CDH18: variants seen among roughly 807,000 people sequenced by gnomAD.
CDH18 encodes the protein cadherin 18.
CDH18 carries 31 observed loss-of-function variants against 67.9 expected under a neutral mutation model. The ratio of observed to expected loss-of-function variants is 0.46; its 90% confidence interval spans 0.34 to 0.62. CDH18 has a LOEUF of 0.62. Among genes scored for constraint, CDH18 ranks in the 20% least tolerant of loss-of-function variants. The pLI is 0.01. For missense variants in CDH18, 890 were observed against 975.5 expected (o/e 0.91, Z 1.17); for synonymous variants, 362 against 347.2 (o/e 1.04, Z -0.48).
At chr5:20,199,330 T>C (rs1489141201) in intron 2 of CDH18, among the ~76,000 whole-genome samples, 1 of 152,186 alleles carries the variant, frequency 6.6e-6, no homozygotes, top group Non-Finnish European at 1.5e-5. Flanking sequence ...GACCTGGAAG[T>C]AGGACATGGA....
At chr5:19,473,737 G>A (rs749372857) in intron 12 of CDH18, 21 bp from the exon 13 acceptor site, 5 of 1,550,854 alleles carry the variant, frequency 3.2e-6, no homozygotes, top group Non-Finnish European at 2.6e-6. Context: ...ATGGAAAAAG[G>A]ATGAAGAATT....
chr5:20,547,892 C>T (rs1757428218), intron 1 of CDH18, among the ~76,000 whole-genome samples: 1 of 151,876 alleles, frequency 6.6e-6, no homozygotes, highest in African/African-American at 2.4e-5. Context: ...TATTCAATTT[C>T]ATCTCTTTAC....
intron 2 of CDH18, among the ~76,000 whole-genome samples, chr5:20,153,770 T>C (rs1316596396): frequency 6.6e-6 from 1 of 152,116 alleles, no homozygotes; most frequent in Non-Finnish European, 1.5e-5. Flanking sequence ...TATATTTTCC[T>C]CTTCTTATAG....
chr5:19,677,585 G>A (rs749767647), intron 5 of CDH18, among the ~76,000 whole-genome samples: 2 of 151,780 alleles, frequency 1.3e-5, no homozygotes, highest in Non-Finnish European at 2.9e-5. Flanking sequence ...AGATAAACAG[G>A]GTAAATGCCC....
In CDH18 at chr5:19,997,786, T is replaced by C. The variant is rs539304279; in HGVS notation, c.-517-5772A>G. ...AGTGGAGGATGCATAAATGTCAACA[T>C]TTCACCATAATGCAATACTATCATA... On this transcript the variant is annotated intron_variant, in intron 2 of 14. Coordinates refer to the CDH18 transcript ENST00000507958. Among the ~76,000 whole-genome samples the C allele has an allele frequency of 2.6e-5, 4 of 152,254 alleles. 1 individual carries two copies. In the South Asian group the frequency reaches 8.3e-4, roughly 32 times the overall value.
At chr5:20,324,778 A>C (rs1738393616) in intron 1 of CDH18, among the ~76,000 whole-genome samples, 1 of 152,200 alleles carries the variant, frequency 6.6e-6, no homozygotes, top group East Asian at 1.9e-4. Context: ...ACACCAAAAA[A>C]CACAGTTTAG....
chr5:20,159,549 T>C (rs968375059), intron 2 of CDH18, among the ~76,000 whole-genome samples: 1 of 152,188 alleles, frequency 6.6e-6, no homozygotes, highest in Non-Finnish European at 1.5e-5. Flanking sequence ...GCTGCCCATG[T>C]GGGATAAGCA....
intron 3 of CDH18, among the ~76,000 whole-genome samples, chr5:19,751,976 G>T (rs1245374375): frequency 6.6e-6 from 1 of 152,076 alleles, no homozygotes. Context: ...GATTGCTCCT[G>T]CAGGGCCCCC....
intron 2 of CDH18, among the ~76,000 whole-genome samples, chr5:20,016,202 A>G (rs550879284): frequency 6.6e-6 from 1 of 152,206 alleles, no homozygotes; most frequent in African/African-American, 2.4e-5. Context: ...TTAGCAAACT[A>G]ACCCAGGAAC....
chr5:19,614,439 C>A (rs996961066), intron 5 of CDH18, among the ~76,000 whole-genome samples: 14 of 151,170 alleles, frequency 9.3e-5, no homozygotes, highest in South Asian at 2.1e-4. Flanking sequence ...GCCTCAAGCA[C>A]CCTTATTAAA....
rs1039073972 is a variant in CDH18, at chr5:20,527,943, C to T, written c.-580+47519G>A. On this transcript the variant is annotated intron_variant, in intron 1 of 14. Coordinates refer to the CDH18 transcript ENST00000507958. ...CCTTTGATGTAAATGAGCTAAATGC[C>T]CCAATTAAAAGACACAGAATGGCAA... 1.4e-4 allele frequency among the ~76,000 whole-genome samples: 22 copies of T among 151,820 alleles called. 1 individual carries two copies. The highest frequency in any genetic ancestry group is 4.8e-4 in the African/African-American group (20 of 41,244).
At chr5:20,022,279 A>G (rs11952071) in intron 2 of CDH18, among the ~76,000 whole-genome samples, 12,013 of 152,222 alleles carry the variant, frequency 0.079, 945 homozygotes, top group African/African-American at 0.2. Flanking sequence ...AAATCATCCA[A>G]TGGAAATAAT....
intron 8 of CDH18, among the ~76,000 whole-genome samples, chr5:19,558,833 G>A (rs189626918): frequency 1.8e-3 from 270 of 151,832 alleles, no homozygotes; most frequent in African/African-American, 6.1e-3. Context: ...AAACCAAAAG[G>A]GGACATAACA....
intron 1 of CDH18, among the ~76,000 whole-genome samples, chr5:20,550,468 T>C (rs891845890): frequency 1.3e-5 from 2 of 152,166 alleles, no homozygotes; most frequent in African/African-American, 4.8e-5. Flanking sequence ...ATATAGCCAA[T>C]AGAACTTTTC....
Position 19,774,451 on chromosome 5 carries a change from T to TAAAATAAAA in CDH18, c.229-27216_229-27215insTTTTATTTT, listed in dbSNP as rs373224102. Among the ~76,000 whole-genome samples, 5 of 7,946 alleles carry TAAAATAAAA rather than the reference T, an allele frequency of 6.3e-4. No homozygotes were observed. In the East Asian group the frequency reaches 0.034, roughly 54 times the overall value. The allele number at this position is 7,946 out of a possible 152,430, so 5.2% of individuals were successfully genotyped here. ...TTAAAATAAAATAAAATAAAATAAA[T>TAAAATAAAA]AAATAAATCATAGTAAGGGGAAATA... On this transcript the variant is annotated intron_variant, in intron 3 of 12. Coordinates refer to ENST00000382275, the MANE Select transcript of CDH18 (RefSeq NM_004934.5).
intron 4 of CDH18, among the ~76,000 whole-genome samples, chr5:19,744,301 C>T (rs540640418): frequency 2.6e-5 from 4 of 152,162 alleles, no homozygotes; most frequent in Non-Finnish European, 5.9e-5. Context: ...CCATACTCAT[C>T]TCAGTAAGAG....
chr5:20,390,244 C>T (rs1418508314), intron 1 of CDH18, among the ~76,000 whole-genome samples: 1 of 145,794 alleles, frequency 6.9e-6, no homozygotes, highest in African/African-American at 2.5e-5. Context: ...ACTCATCTGA[C>T]AAAGGGCTAA....
chr5:19,487,934 T>TG (rs1374550245), intron 11 of CDH18, among the ~76,000 whole-genome samples: 1 of 152,144 alleles, frequency 6.6e-6, no homozygotes, highest in East Asian at 1.9e-4. Flanking sequence ...AAAAATGTTG[T>TG]GGGGCTATTT....
chr5:19,556,356 T>G (rs1580188145), intron 8 of CDH18, among the ~76,000 whole-genome samples: 1 of 151,974 alleles, frequency 6.6e-6, no homozygotes, highest in Non-Finnish European at 1.5e-5. Context: ...GAAGTTCAAC[T>G]TAAAGAAATC....
Sources: allele counts gnomAD v4.1 joint callset (sites outside exome capture counted in the v4.1 genomes callset), GRCh38; gene constraint gnomAD v4.1.1; transcripts MANE v1.5; gene names NCBI Gene and HGNC (gene_info 2026-07-23, HGNC 2026-07-21).